Variants in GALNT13 observed in about 807,000 individuals in gnomAD.
The protein encoded by GALNT13 is polypeptide N-acetylgalactosaminyltransferase 13.
A neutral mutation model predicts 64.2 loss-of-function variants in GALNT13; 28 were observed. That is an observed-to-expected ratio of 0.44 (90% CI 0.32 to 0.60). The LOEUF (loss-of-function observed/expected upper bound fraction) is 0.60, where lower values mean the gene tolerates loss of function less well. Ranked by LOEUF, GALNT13 falls within the 20% of genes least tolerant of loss-of-function variation. The pLI is 0.05. For missense variants in GALNT13, 577 were observed against 669.8 expected (o/e 0.86, Z 1.53); for synonymous variants, 214 against 224.6 (o/e 0.95, Z 0.42).
the GALNT13 span, among the ~76,000 whole-genome samples, chr2:153,404,597 C>T: frequency 1.3e-5 from 2 of 151,734 alleles, no homozygotes; most frequent in Admixed American, 6.6e-5. Context: ...AGGTATTAGT[C>T]TACATCATTT....
chr2:154,399,436 T>C (rs799743), intron 10 of GALNT13, among the ~76,000 whole-genome samples: 52,050 of 151,766 alleles, frequency 0.34, 9,330 homozygotes, highest in African/African-American at 0.45. Context: ...TAGGATGGCA[T>C]GTTGTCACTA....
chr2:153,393,772 T>G, the GALNT13 span, among the ~76,000 whole-genome samples: 1 of 151,942 alleles, frequency 6.6e-6, no homozygotes, highest in South Asian at 2.1e-4. Context: ...AAGATTGATC[T>G]CCCCAGAGGA....
the GALNT13 span, among the ~76,000 whole-genome samples, chr2:153,453,605 G>T: frequency 1.3e-5 from 2 of 152,124 alleles, no homozygotes; most frequent in Non-Finnish European, 2.9e-5. Flanking sequence ...TTATTAAAAA[G>T]TCAAACAACA....
intron 8 of GALNT13, among the ~76,000 whole-genome samples, chr2:154,287,905 C>T (rs959103996): frequency 3.9e-5 from 6 of 152,066 alleles, no homozygotes; most frequent in African/African-American, 1.4e-4. Flanking sequence ...ACTGGTCTTG[C>T]GTTGGAGATA....
chr2:153,981,713 A>G (rs560437481), intron 3 of GALNT13, among the ~76,000 whole-genome samples: 146 of 152,212 alleles, frequency 9.6e-4, no homozygotes, highest in African/African-American at 3.2e-3. Context: ...TTAAATTCAC[A>G]GTTTAACACT....
At chr2:154,309,408 G>A (rs1693911840) in intron 9 of GALNT13, among the ~76,000 whole-genome samples, 1 of 152,122 alleles carries the variant, frequency 6.6e-6, no homozygotes, top group African/African-American at 2.4e-5. Context: ...CAGAATATAT[G>A]ATGCTGGGTA....
the GALNT13 span, among the ~76,000 whole-genome samples, chr2:153,379,116 T>C: frequency 6.6e-6 from 1 of 152,160 alleles, no homozygotes; most frequent in Non-Finnish European, 1.5e-5. Flanking sequence ...GGCTCTTCTA[T>C]CTTTAGATGT....
the GALNT13 span, among the ~76,000 whole-genome samples, chr2:153,201,471 T>G: frequency 3.3e-5 from 5 of 152,306 alleles, no homozygotes; most frequent in East Asian, 9.6e-4. Flanking sequence ...GGGATCATAT[T>G]GGTCATGTCT....
the GALNT13 span, among the ~76,000 whole-genome samples, chr2:153,476,196 C>T: frequency 1.3e-5 from 2 of 152,262 alleles, no homozygotes; most frequent in East Asian, 3.9e-4. Flanking sequence ...TACTTGAGAG[C>T]GAAATGGACA....
the GALNT13 span, among the ~76,000 whole-genome samples, chr2:153,155,517 T>C: frequency 6.6e-6 from 1 of 152,196 alleles, no homozygotes; most frequent in Non-Finnish European, 1.5e-5. Flanking sequence ...CATAGAAGTG[T>C]TCATAATATT....
At chr2:154,395,936 C>T in intron 9 of GALNT13, 55 bp from the exon 10 acceptor site, 1 of 1,475,146 alleles carries the variant, frequency 6.8e-7, no homozygotes, top group Non-Finnish European at 9.1e-7. Context: ...TGTAGTAAAA[C>T]AGTACTAAAA....
chr2:153,766,387 A>G, the GALNT13 span, among the ~76,000 whole-genome samples: 3 of 152,168 alleles, frequency 2.0e-5, no homozygotes, highest in South Asian at 2.1e-4. Context: ...ATTCTTGCAC[A>G]TAGTCGTTGG....
At chr2:153,601,339 G>A in the GALNT13 span, among the ~76,000 whole-genome samples, 1 of 151,666 alleles carries the variant, frequency 6.6e-6, no homozygotes, top group African/African-American at 2.4e-5. Flanking sequence ...TGTCTTCAGT[G>A]ATTTGAGACT....
chr2:154,222,326 G>A (rs951522968), intron 4 of GALNT13, among the ~76,000 whole-genome samples: 1 of 152,060 alleles, frequency 6.6e-6, no homozygotes, highest in African/African-American at 2.4e-5. Context: ...TCTTTGAAAT[G>A]TTTCCCTACT....
chr2:153,168,476 C>T, the GALNT13 span, among the ~76,000 whole-genome samples: 1 of 152,022 alleles, frequency 6.6e-6, no homozygotes, highest in African/African-American at 2.4e-5. Flanking sequence ...GCTATATATA[C>T]ATTATGAAAT....
chr2:153,968,274 C>A (rs375052350), intron 3 of GALNT13, among the ~76,000 whole-genome samples: 1 of 152,306 alleles, frequency 6.6e-6, no homozygotes, highest in East Asian at 1.9e-4. Context: ...GCAAAGGATA[C>A]CTCTCAGACC....
intron 9 of GALNT13, among the ~76,000 whole-genome samples, chr2:154,332,665 G>GT (rs1199668735): frequency 6.6e-6 from 1 of 152,084 alleles, no homozygotes; most frequent in East Asian, 1.9e-4. Context: ...TTCCGGCTAT[G>GT]TGAGCTGGTT....
chr2:153,656,886 A>G, the GALNT13 span, among the ~76,000 whole-genome samples: 10 of 152,220 alleles, frequency 6.6e-5, 1 homozygote, highest in East Asian at 1.7e-3. Flanking sequence ...GCTAAGGTGC[A>G]AGAGGAATAG....
chr2:153,350,530 C>T, the GALNT13 span, among the ~76,000 whole-genome samples: 1 of 151,736 alleles, frequency 6.6e-6, no homozygotes, highest in Non-Finnish European at 1.5e-5. Context: ...CTACAGGCAT[C>T]CGCCACCATA....
Sources: allele counts gnomAD v4.1 joint callset (sites outside exome capture counted in the v4.1 genomes callset), GRCh38; gene constraint gnomAD v4.1.1; transcripts MANE v1.5; gene names NCBI Gene and HGNC (gene_info 2026-07-23, HGNC 2026-07-21).